Variants in CCDC144A observed in about 807,000 individuals in gnomAD.
CCDC144A encodes the protein coiled-coil domain-containing protein 144A.
CCDC144A carries 41 observed loss-of-function variants against 143.8 expected under a neutral mutation model. The ratio of observed to expected loss-of-function variants is 0.29; its 90% CI spans 0.22 to 0.37. CCDC144A has a LOEUF of 0.37. CCDC144A is among the 10% of genes least tolerant of loss of function. The pLI, the probability that CCDC144A is intolerant of heterozygous loss-of-function variation, is 1.00. For missense variants in CCDC144A, 637 were observed against 1,488.8 expected (o/e 0.43, Z 9.41); for synonymous variants, 242 against 517.9 (o/e 0.47, Z 7.23).
chr17:16,704,250 T>G (rs2928641), intron 2 of CCDC144A, among the ~76,000 whole-genome samples: 2 of 152,030 alleles, frequency 1.3e-5, no homozygotes, highest in Non-Finnish European at 2.9e-5. Flanking sequence ...GTCAGGAGAT[T>G]GAGACCATCC....
the CCDC144A span, chr17:16,683,661 C>T: frequency 2.2e-5 from 36 of 1,609,076 alleles, no homozygotes; most frequent in Non-Finnish European, 3.0e-5. Flanking sequence ...ATCTGCAAGC[C>T]CGGAAGTTTC....
chr17:16,765,825 A>G (rs773414098), intron 15 of CCDC144A: 6 of 152,292 alleles, frequency 3.9e-5, no homozygotes, highest in Admixed American at 1.3e-4. Flanking sequence ...CTCAGTCATG[A>G]AATTGTACCA....
chr17:16,683,883 A>T, the CCDC144A span: 2 of 1,358,706 alleles, frequency 1.5e-6, no homozygotes, highest in Non-Finnish European at 1.1e-6. Flanking sequence ...GTCGTCGTCT[A>T]CGCTGATGGC....
In CCDC144A at chr17:16,712,151, G is replaced by A. The variant is rs535764960; in HGVS notation, c.1715+336G>A. ...ATTTCAAAAAAAAAAAGCAAAAACA[G>A]AAACAAAAACAAAAAACAGGAGACA... On this transcript the variant is annotated intron_variant, in intron 6 of 16. Coordinates refer to ENST00000399273, the MANE Select transcript of CCDC144A (RefSeq NM_001382000.1). 19 of 228,874 alleles carry A rather than the reference G, an allele frequency of 8.3e-5. No individual in the cohort carries two copies. In the South Asian group the frequency reaches 1.4e-3, roughly 17 times the overall value. 14.2% of individuals were successfully genotyped at this position (228,874 alleles called of 1,614,324 possible). A position where few individuals can be genotyped will look rare whatever the true frequency, so the allele number is the denominator to read the frequency against.
At chr17:16,768,802 T>G (rs1045165081) in intron 15 of CCDC144A, among the ~76,000 whole-genome samples, 1 of 151,340 alleles carries the variant, frequency 6.6e-6, no homozygotes, top group African/African-American at 2.5e-5. Context: ...TTAAAAAAAT[T>G]TTCTAACTAC....
At chr17:16,760,132 G>A (rs1915294233) in intron 12 of CCDC144A, among the ~76,000 whole-genome samples, 1 of 152,160 alleles carries the variant, frequency 6.6e-6, no homozygotes, top group Non-Finnish European at 1.5e-5. Context: ...TAGAGAGAGA[G>A]TCAGGTAGAA....
chr17:16,743,065 C>T (rs1483010883), intron 12 of CCDC144A, among the ~76,000 whole-genome samples: 2 of 152,176 alleles, frequency 1.3e-5, no homozygotes, highest in Non-Finnish European at 2.9e-5. Flanking sequence ...TGTGAAGAAA[C>T]CTAATTTTAA....
chr17:16,754,844 T>A (rs908963238), intron 12 of CCDC144A, among the ~76,000 whole-genome samples: 5 of 152,232 alleles, frequency 3.3e-5, no homozygotes, highest in Non-Finnish European at 2.9e-5. Flanking sequence ...CCATCTATTA[T>A]TGTACTGGAG....
At position 16,767,568 on chromosome 17, in the gene CCDC144A, G is replaced by A. The variant is rs568903118; in HGVS notation, c.4098+3393G>A. Among the ~76,000 whole-genome samples the A allele has an allele frequency of 2.0e-5, 3 of 152,252 alleles. No homozygotes were observed. In the South Asian group the frequency reaches 6.2e-4, roughly 32 times the overall value. ...TTTCTGGGTGGGGCATTACAAAACA[G>A]GATATTTAGAAATTTTTAGCTACGA... is the stretch of plus-strand genomic sequence containing the variant. On this transcript the variant is annotated intron_variant, in intron 15 of 16. Coordinates refer to ENST00000399273, the MANE Select transcript of CCDC144A (RefSeq NM_001382000.1).
chr17:16,673,779 A>T, the CCDC144A span, among the ~76,000 whole-genome samples: 1 of 152,174 alleles, frequency 6.6e-6, no homozygotes, highest in African/African-American at 2.4e-5. Flanking sequence ...TTACAGGCAG[A>T]ACAAGATAAA....
chr17:16,713,423 T>TA (rs1200663258), intron 6 of CCDC144A, among the ~76,000 whole-genome samples: 1 of 152,214 alleles, frequency 6.6e-6, no homozygotes, highest in Non-Finnish European at 1.5e-5. Context: ...AGTAGCTTCA[T>TA]ATAATTTAGA....
chr17:16,736,182 G>A (rs1233327750), intron 12 of CCDC144A, among the ~76,000 whole-genome samples: 1 of 149,478 alleles, frequency 6.7e-6, no homozygotes, highest in Non-Finnish European at 1.5e-5. Flanking sequence ...AATCTGAGAC[G>A]ATTTCAGTCT....
upstream of CCDC144A, chr17:16,689,758 C>G (rs1200079740): frequency 6.6e-6 from 1 of 152,338 alleles, no homozygotes; most frequent in African/African-American, 2.4e-5. Context: ...TCGGGCAGGC[C>G]CTTCCAGCCG....
At chr17:16,730,194 C>T (rs1360839106) in intron 9 of CCDC144A, among the ~76,000 whole-genome samples, 2 of 114,618 alleles carry the variant, frequency 1.7e-5, no homozygotes, top group Non-Finnish European at 3.5e-5. Context: ...CAGTTTCATT[C>T]TTCTACATGT....
intron 12 of CCDC144A, among the ~76,000 whole-genome samples, chr17:16,755,705 A>G (rs924862627): frequency 6.6e-6 from 1 of 152,226 alleles, no homozygotes; most frequent in Non-Finnish European, 1.5e-5. Flanking sequence ...GACCACAGGC[A>G]TGAGCCACCA....
intron 2 of CCDC144A, 66 bp from the exon 3 acceptor site, chr17:16,705,069 GAAGAAAGCATGTATAC>G: frequency 6.2e-6 from 6 of 971,434 alleles, no homozygotes; most frequent in Non-Finnish European, 9.7e-6. Flanking sequence ...CTGTTTCTGT[GAAGAAAGCATGTATAC>G]AAGTTAGTCA....
intron 2 of CCDC144A, among the ~76,000 whole-genome samples, chr17:16,704,483 C>T (rs1911932090): frequency 6.6e-6 from 1 of 151,872 alleles, no homozygotes; most frequent in South Asian, 2.1e-4. Context: ...ATTTTACATC[C>T]CAACAATTTT....
At chr17:16,714,961 C>A (rs1212789147) in intron 6 of CCDC144A, among the ~76,000 whole-genome samples, 1 of 152,210 alleles carries the variant, frequency 6.6e-6, no homozygotes, top group Non-Finnish European at 1.5e-5. Context: ...GTCTGGGATG[C>A]CTTTTCCTCA....
At chr17:16,683,931 G>T in the CCDC144A span, 2 of 1,276,544 alleles carry the variant, frequency 1.6e-6, no homozygotes, top group East Asian at 2.3e-5. Context: ...CCACGAGCAG[G>T]AATCCGCGTT....
Sources: allele counts gnomAD v4.1 joint callset (sites outside exome capture counted in the v4.1 genomes callset), GRCh38; gene constraint gnomAD v4.1.1; transcripts MANE v1.5; gene names NCBI Gene and HGNC (gene_info 2026-07-23, HGNC 2026-07-21).